The following GRM7 variants were observed in gnomAD, a reference collection of about 807,000 sequenced individuals.
GRM7 encodes metabotropic glutamate receptor 7.
In GRM7, 35 loss-of-function variants were observed where a neutral mutation model predicts 84.5. The observed-to-expected ratio is 0.41, with a 90% CI of 0.32 to 0.55. The LOEUF (loss-of-function observed/expected upper bound fraction) is 0.55, where lower values mean the gene tolerates loss of function less well. Among genes scored for constraint, GRM7 ranks in the 20% least tolerant of loss-of-function variants. The probability of loss-of-function intolerance (pLI) is 0.19; values close to 1 mark genes in which losing one functional copy is unlikely to be tolerated. For synonymous variants in GRM7, 487 were observed against 455.1 expected (o/e 1.07, Z -0.89); for missense variants, 1,003 against 1,194.6 (o/e 0.84, Z 2.36).
intron 2 of GRM7, among the ~76,000 whole-genome samples, chr3:7,208,000 GCCTTCTATA>G: frequency 6.6e-6 from 1 of 152,222 alleles, no homozygotes; most frequent in Admixed American, 6.5e-5. Flanking sequence ...GAGATTCCAG[GCCTTCTATA>G]TTTAGTACAG....
At chr3:7,593,330 C>T (rs1188660176) in intron 8 of GRM7, among the ~76,000 whole-genome samples, 2 of 152,136 alleles carry the variant, frequency 1.3e-5, no homozygotes, top group African/African-American at 4.8e-5. Flanking sequence ...TTTATTGATT[C>T]ATCCCACTAA....
intron 2 of GRM7, among the ~76,000 whole-genome samples, chr3:7,270,256 CTTATAA>C (rs5846500): frequency 0.82 from 124,593 of 151,380 alleles, 51,527 homozygotes; most frequent in East Asian, 0.97. Flanking sequence ...GATCTGTGCA[CTTATAA>C]TTATGTTAAC....
intron 2 of GRM7, among the ~76,000 whole-genome samples, chr3:7,282,942 G>A (rs1276944035): frequency 1.3e-5 from 2 of 152,084 alleles, no homozygotes; most frequent in East Asian, 1.9e-4. Context: ...TGGAGCCCTC[G>A]GCTTCGAGAT....
Position 7,536,257 on chromosome 3 carries a change from A to G in GRM7, c.1516-42165A>G, listed in dbSNP as rs548746419. Among the ~76,000 whole-genome samples, 104 of 152,270 alleles carry G rather than the reference A, an allele frequency of 6.8e-4. No homozygotes were observed. In the South Asian group the frequency reaches 0.012, roughly 18 times the overall value. ...AGATAATCCCAGGAAGCATGGTAAG[A>G]TAATGAACAACAGAAGAAAACCAAT... On this transcript the variant is annotated intron_variant, in intron 7 of 9. Transcript: ENST00000357716.
At chr3:6,871,775 AAC>A (rs1427877040) in intron 1 of GRM7, among the ~76,000 whole-genome samples, 1 of 152,132 alleles carries the variant, frequency 6.6e-6, no homozygotes, top group Admixed American at 6.6e-5. Flanking sequence ...ATTTTATATC[AAC>A]ACACATACAT....
chr3:7,019,608 A>G (rs2124909170), intron 1 of GRM7, among the ~76,000 whole-genome samples: 1 of 152,312 alleles, frequency 6.6e-6, no homozygotes, highest in Non-Finnish European at 1.5e-5. Context: ...AATGAATAAG[A>G]GTGCATGGAA....
intron 7 of GRM7, among the ~76,000 whole-genome samples, chr3:7,471,117 C>G (rs557622730): frequency 2.6e-5 from 4 of 151,700 alleles, no homozygotes; most frequent in Middle Eastern, 3.4e-3. Context: ...CATAAGAACA[C>G]TTTGAAAATG....
chr3:7,667,282 G>A (rs3838616), intron 8 of GRM7, among the ~76,000 whole-genome samples: 3,773 of 109,256 alleles, frequency 0.035, 142 homozygotes, highest in African/African-American at 0.091. Flanking sequence ...AAAAAAAAAA[G>A]AGAGAGAGAG....
intron 2 of GRM7, among the ~76,000 whole-genome samples, chr3:7,263,538 C>T (rs376590752): frequency 7.2e-5 from 11 of 152,124 alleles, no homozygotes; most frequent in African/African-American, 2.2e-4. Context: ...GGGTCAGGGG[C>T]GGCTCCACCT....
chr3:7,618,972 T>G (rs930520553), intron 8 of GRM7, among the ~76,000 whole-genome samples: 14 of 152,058 alleles, frequency 9.2e-5, no homozygotes, highest in African/African-American at 3.1e-4. Flanking sequence ...AAAAAAGAAT[T>G]TATTTTCAGA....
At chr3:7,034,590 T>C (rs959012107) in intron 1 of GRM7, among the ~76,000 whole-genome samples, 1 of 152,186 alleles carries the variant, frequency 6.6e-6, no homozygotes, top group Non-Finnish European at 1.5e-5. Context: ...TTTTCCAGAC[T>C]CTAGTAGTCA....
At chr3:7,055,316 C>A (rs1189728514) in intron 1 of GRM7, among the ~76,000 whole-genome samples, 3 of 151,714 alleles carry the variant, frequency 2.0e-5, no homozygotes, top group African/African-American at 7.3e-5. Flanking sequence ...TCCAAACAAG[C>A]TGGGTGAAGA....
intron 3 of GRM7, among the ~76,000 whole-genome samples, chr3:7,305,183 C>T (rs1312859146): frequency 1.3e-5 from 2 of 152,090 alleles, no homozygotes; most frequent in Non-Finnish European, 2.9e-5. Context: ...ATTATACTGA[C>T]TTTTAGTCAT....
intron 7 of GRM7, among the ~76,000 whole-genome samples, chr3:7,506,818 C>T (rs1700053006): frequency 6.6e-6 from 1 of 152,104 alleles, no homozygotes; most frequent in Non-Finnish European, 1.5e-5. Flanking sequence ...CCTCATTAAT[C>T]CACTAATCTA....
At chr3:7,607,395 A>G (rs1200488978) in intron 8 of GRM7, 1 of 152,240 alleles carries the variant, frequency 6.6e-6, no homozygotes, top group African/African-American at 2.4e-5. Flanking sequence ...TTCATAGTAC[A>G]AGAGAGTAAG....
At chr3:7,258,560 C>T (rs986327754) in intron 2 of GRM7, among the ~76,000 whole-genome samples, 3 of 152,176 alleles carry the variant, frequency 2.0e-5, no homozygotes, top group Admixed American at 1.3e-4. Flanking sequence ...TTATCTGATC[C>T]TCCAAGGTAA....
chr3:6,888,242 C>T (rs1188503652), intron 1 of GRM7, among the ~76,000 whole-genome samples: 1 of 152,014 alleles, frequency 6.6e-6, no homozygotes. Context: ...TTAATTAGAT[C>T]CCATTTGTCA....
At chr3:6,952,930 A>G (rs1257753824) in intron 1 of GRM7, among the ~76,000 whole-genome samples, 1 of 152,226 alleles carries the variant, frequency 6.6e-6, no homozygotes, top group Non-Finnish European at 1.5e-5. Context: ...ATGAAGCAAA[A>G]TTCCAACGAC....
chr3:6,953,102 G>A (rs1692858703), intron 1 of GRM7, among the ~76,000 whole-genome samples: 2 of 152,182 alleles, frequency 1.3e-5, no homozygotes, highest in Non-Finnish European at 2.9e-5. Flanking sequence ...TGTTCACATT[G>A]GAGTAGAACA....
Sources: gnomAD v4.1 joint callset for allele counts (sites outside exome capture counted in the v4.1 genomes callset) on GRCh38, gnomAD v4.1.1 for gene constraint, MANE v1.5 for transcripts, NCBI Gene and HGNC (gene_info 2026-07-23, HGNC 2026-07-21) for gene names.